GDAP2: variants seen among roughly 807,000 people sequenced by gnomAD.
GDAP2 encodes ganglioside-induced differentiation-associated protein 2.
In GDAP2, 51 loss-of-function variants were observed where a neutral mutation model predicts 67.0. That is an observed-to-expected ratio of 0.76 (90% CI 0.61 to 0.96). GDAP2 has a LOEUF of 0.96. Among genes scored for constraint, GDAP2 ranks in the 40% least tolerant of loss-of-function variants. The pLI is 0.00. For missense variants in GDAP2, 547 were observed against 588.3 expected (o/e 0.93, Z 0.73); for synonymous variants, 203 against 207.3 (o/e 0.98, Z 0.18).
chr1:117,925,215 G>A (rs1650404102), intron 1 of GDAP2, among the ~76,000 whole-genome samples: 1 of 152,184 alleles, frequency 6.6e-6, no homozygotes, highest in Non-Finnish European at 1.5e-5. Context: ...CAGTTTGGGA[G>A]GCTGAGGCGG....
At chr1:117,892,951 G>T (rs1649136054) in intron 8 of GDAP2, among the ~76,000 whole-genome samples, 1 of 151,880 alleles carries the variant, frequency 6.6e-6, no homozygotes, top group Admixed American at 6.6e-5. Context: ...TATTGACCCT[G>T]TACAGTAATT....
chr1:117,914,517 A>C (rs181318505), intron 3 of GDAP2, among the ~76,000 whole-genome samples: 1 of 152,256 alleles, frequency 6.6e-6, no homozygotes, highest in East Asian at 1.9e-4. Context: ...ATACAGAAGG[A>C]AGGAAATTAT....
At chr1:117,916,794 G>A (rs1271465377) in intron 3 of GDAP2, among the ~76,000 whole-genome samples, 1 of 152,194 alleles carries the variant, frequency 6.6e-6, no homozygotes, top group Non-Finnish European at 1.5e-5. Context: ...AGCACATTGG[G>A]AGGCCGAGGC....
At position 117,870,109 on chromosome 1, in the gene GDAP2, A is replaced by G. The variant is rs143234543; in HGVS notation, c.*460T>C. 6.8e-3 allele frequency: 1,044 copies of G among 153,406 alleles called. 8 individuals are homozygous for G. The highest frequency in any genetic ancestry group is 0.024 in the African/African-American group (998 of 41,586). 9.5% of individuals were successfully genotyped at this position (153,406 alleles called of 1,614,324 possible). On this transcript the variant is annotated 3_prime_UTR_variant, in exon 14 of 14. Coordinates refer to ENST00000369443, the MANE Select transcript of GDAP2 (RefSeq NM_017686.4). The stretch of plus-strand genomic sequence containing the variant: ...AACACAGCCAAATTATCTTTATAAA[A>G]TATACATGGTATTAACACCATGGAT...
chr1:117,886,296 A>G (rs1184680725), intron 10 of GDAP2, among the ~76,000 whole-genome samples: 5 of 152,176 alleles, frequency 3.3e-5, no homozygotes, highest in African/African-American at 1.2e-4. Context: ...ATACAGAATG[A>G]TTCCAACCAC....
intron 10 of GDAP2, among the ~76,000 whole-genome samples, chr1:117,885,965 GA>G (rs1648839192): frequency 6.6e-6 from 1 of 152,060 alleles, no homozygotes; most frequent in South Asian, 2.1e-4. Context: ...TAAGTTTTCA[GA>G]AATGAAATTA....
At chr1:117,875,898 T>C (rs866194209) in intron 13 of GDAP2, among the ~76,000 whole-genome samples, 3 of 152,170 alleles carry the variant, frequency 2.0e-5, no homozygotes, top group Non-Finnish European at 4.4e-5. Flanking sequence ...AATTTGATTT[T>C]GAGTTTACAG....
intron 13 of GDAP2, among the ~76,000 whole-genome samples, chr1:117,876,056 AG>A (rs1462197800): frequency 6.6e-6 from 1 of 152,100 alleles, no homozygotes; most frequent in Non-Finnish European, 1.5e-5. Flanking sequence ...TTGGGTGGCT[AG>A]GGGCAAAATG....
chr1:117,883,437 T>G, intron 11 of GDAP2, 51 bp downstream of exon 11: 2 of 1,384,734 alleles, frequency 1.4e-6, no homozygotes, highest in Non-Finnish European at 2.0e-6. Context: ...CTGCTTAATA[T>G]TAGAAAAGAA....
intron 6 of GDAP2, among the ~76,000 whole-genome samples, chr1:117,904,458 G>T (rs1458131727): frequency 6.6e-6 from 1 of 152,130 alleles, no homozygotes; most frequent in Non-Finnish European, 1.5e-5. Flanking sequence ...ATACAAAGAG[G>T]TAAATGTCTA....
Position 117,912,699 on chromosome 1 carries a change from A to G in GDAP2, c.317-16T>C, listed in dbSNP as rs766044235. 21 of 1,609,368 alleles carry G rather than the reference A, an allele frequency of 1.3e-5. No individual in the cohort carries two copies. Among genetic ancestry groups the G allele is most frequent in the East Asian group, 6.7e-5 (3 of 44,858 alleles). On this transcript the variant is annotated splice_polypyrimidine_tract_variant and intron_variant, in intron 3 of 13. Coordinates refer to ENST00000369443, the MANE Select transcript of GDAP2 (RefSeq NM_017686.4). ...GTTCGGCACCCTGAAAACAATGGAAACACACATAAGTTTGGATGTGTTAGG... is the reference window on the plus strand; with the variant it reads ...GTTCGGCACCCTGAAAACAATGGAAGCACACATAAGTTTGGATGTGTTAGG...
rs1648118918 is a variant in GDAP2, at chr1:117,867,596, G to A, written c.*2973C>T. Reference sequence around the variant, plus strand: ...AGGCACCTGTAGTCCCAGCTACTAGGGAGGCTGAGGCAGGAGAACCACTTA... The same window carrying A: ...AGGCACCTGTAGTCCCAGCTACTAGAGAGGCTGAGGCAGGAGAACCACTTA... On this transcript the variant is annotated 3_prime_UTR_variant, in exon 14 of 14. Transcript: ENST00000369443. The A allele has an allele frequency of 6.5e-6, 1 of 154,130 alleles. No homozygotes were observed. Among genetic ancestry groups the A allele is most frequent in the Non-Finnish European group, 1.4e-5 (1 of 70,522 alleles). The allele number at this position is 154,130 out of a possible 1,614,324, so 9.5% of individuals were successfully genotyped here.
At chr1:117,892,871 G>A (rs944200288) in intron 8 of GDAP2, among the ~76,000 whole-genome samples, 1 of 152,044 alleles carries the variant, frequency 6.6e-6, no homozygotes, top group African/African-American at 2.4e-5. Context: ...TTTGGAATTA[G>A]CAGATGCTTT....
In GDAP2 at chr1:117,918,578, T is replaced by G; in HGVS notation, c.316+19A>C. On this transcript the variant is annotated intron_variant, in intron 3 of 13. Coordinates refer to ENST00000369443, the MANE Select transcript of GDAP2 (RefSeq NM_017686.4). ...TGAATGTTTTCTAAGCAATAATATA[T>G]GAAAGAAAATTCACTCACCTTTAAG... 1 of 1,569,894 alleles carries G rather than the reference T, an allele frequency of 6.4e-7. No individual in the cohort carries two copies. Among genetic ancestry groups the G allele is most frequent in the South Asian group, 1.1e-5 (1 of 90,116 alleles).
chr1:117,906,635 A>T, intron 5 of GDAP2, 53 bp from the exon 6 acceptor site: 1 of 943,720 alleles, frequency 1.1e-6, no homozygotes, highest in Non-Finnish European at 1.7e-6. Flanking sequence ...ACTTATACAT[A>T]AAGAAAAATC....
At chr1:117,878,919 G>T (rs1360995319) in intron 12 of GDAP2, among the ~76,000 whole-genome samples, 1 of 152,172 alleles carries the variant, frequency 6.6e-6, no homozygotes, top group African/African-American at 2.4e-5. Flanking sequence ...GTATGATATT[G>T]TTGCTATCCC....
At chr1:117,919,277 G>C (rs910630830) in intron 2 of GDAP2, among the ~76,000 whole-genome samples, 22 of 151,896 alleles carry the variant, frequency 1.4e-4, no homozygotes, top group Non-Finnish European at 2.4e-4. Context: ...AGGAGGCTGA[G>C]GCAGGAGAAT....
At chr1:117,918,446 A>T in intron 3 of GDAP2, 151 bp downstream of exon 3, 1 of 605,674 alleles carries the variant, frequency 1.7e-6, no homozygotes, top group Non-Finnish European at 2.9e-6. Flanking sequence ...TTTTGTTAAA[A>T]TGGAGCTTTC....
intron 8 of GDAP2, among the ~76,000 whole-genome samples, chr1:117,890,530 G>A (rs1338214394): frequency 6.6e-6 from 1 of 151,864 alleles, no homozygotes; most frequent in Non-Finnish European, 1.5e-5. Context: ...CGCATAACTG[G>A]TATATGCATG....
Sources: gnomAD v4.1 joint callset for allele counts (sites outside exome capture counted in the v4.1 genomes callset) on GRCh38, gnomAD v4.1.1 for gene constraint, MANE v1.5 for transcripts, NCBI Gene and HGNC (gene_info 2026-07-23, HGNC 2026-07-21) for gene names.